Variants in CNTLN observed in about 807,000 individuals in gnomAD.
The protein encoded by CNTLN is centlein, also known as centlein, centrosomal protein.
Under a neutral mutation model 180.0 loss-of-function variants are expected in CNTLN, and 212 were observed. The ratio of observed to expected loss-of-function variants is 1.18; its 90% CI spans 1.05 to 1.32. The LOEUF (loss-of-function observed/expected upper bound fraction) is 1.32, where lower values mean the gene tolerates loss of function less well. Ranked by LOEUF, CNTLN falls within the 40% of genes most tolerant of loss-of-function variation. The pLI, the probability that CNTLN is intolerant of heterozygous loss-of-function variation, is 0.00. For synonymous variants in CNTLN, 722 were observed against 563.1 expected, an observed-to-expected ratio of 1.28 and a Z score of -3.99; for missense variants, 2,095 against 1,610.9, an observed-to-expected ratio of 1.30 and a Z score of -5.14.
At chr9:17,298,748 A>G (rs1272025372) in intron 7 of CNTLN, 1 of 988,332 alleles carries the variant, frequency 1.0e-6, no homozygotes, top group Non-Finnish European at 1.2e-6. Context: ...TTTTTCGGCA[A>G]ATCTTCACAA....
intron 18 of CNTLN, 30 bp from the exon 19 acceptor site, chr9:17,457,488 ATATATT>A (rs777587876): frequency 1.3e-5 from 14 of 1,118,380 alleles, no homozygotes; most frequent in Admixed American, 3.7e-5. Context: ...TACTTTTAAA[ATATATT>A]TATATTTATT....
intron 2 of CNTLN, among the ~76,000 whole-genome samples, chr9:17,188,871 T>C (rs138950900): frequency 3.4e-4 from 51 of 152,098 alleles, no homozygotes; most frequent in Non-Finnish European, 7.1e-4. Context: ...ATCTGAGTCA[T>C]TGACTTTTTT....
At chr9:17,261,861 G>A (rs1463126199) in intron 5 of CNTLN, among the ~76,000 whole-genome samples, 1 of 151,324 alleles carries the variant, frequency 6.6e-6, no homozygotes, top group African/African-American at 2.4e-5. Flanking sequence ...GAATCTACAA[G>A]GAACTTAAAC....
At chr9:17,500,091 C>T (rs539805477) in intron 25 of CNTLN, among the ~76,000 whole-genome samples, 2 of 152,286 alleles carry the variant, frequency 1.3e-5, no homozygotes, top group South Asian at 4.1e-4. Flanking sequence ...ACATACTCTG[C>T]ATTTTGATTT....
chr9:17,359,016 C>G (rs185906639), intron 12 of CNTLN, among the ~76,000 whole-genome samples: 2 of 151,732 alleles, frequency 1.3e-5, no homozygotes, highest in Non-Finnish European at 2.9e-5. Context: ...CTCTCCCCTC[C>G]CCTCCCCTCC....
intron 12 of CNTLN, among the ~76,000 whole-genome samples, chr9:17,357,937 T>C (rs1200494533): frequency 6.6e-6 from 1 of 151,760 alleles, no homozygotes; most frequent in Non-Finnish European, 1.5e-5. Flanking sequence ...CAGTGTAGAT[T>C]AGTTGCTTCT....
chr9:17,239,600 A>T (rs2132181030), intron 5 of CNTLN, among the ~76,000 whole-genome samples: 1 of 152,206 alleles, frequency 6.6e-6, no homozygotes, highest in South Asian at 2.1e-4. Flanking sequence ...TTATAGTTTT[A>T]TGTCTTACAT....
intron 5 of CNTLN, among the ~76,000 whole-genome samples, chr9:17,271,841 T>C (rs1191243953): frequency 1.3e-5 from 2 of 152,208 alleles, no homozygotes; most frequent in African/African-American, 4.8e-5. Context: ...TTTTCAATAA[T>C]TTTTGATTTG....
intron 18 of CNTLN, among the ~76,000 whole-genome samples, chr9:17,422,987 G>C (rs879448726): frequency 6.6e-6 from 1 of 152,172 alleles, no homozygotes; most frequent in Non-Finnish European, 1.5e-5. Context: ...TACCACCTTG[G>C]TGGGCTTAGG....
At chr9:17,390,854 C>T (rs1230744645) in intron 14 of CNTLN, among the ~76,000 whole-genome samples, 1 of 152,058 alleles carries the variant, frequency 6.6e-6, no homozygotes, top group Non-Finnish European at 1.5e-5. Context: ...GACCAGTTCT[C>T]ATGATTAAAC....
chr9:17,413,625 A>G (rs181399914), intron 16 of CNTLN, among the ~76,000 whole-genome samples: 5 of 152,322 alleles, frequency 3.3e-5, no homozygotes, highest in African/African-American at 4.8e-5. Flanking sequence ...CATTTTACCA[A>G]AAAAGGATAT....
chr9:17,295,801 G>A (rs1817859313), intron 6 of CNTLN, among the ~76,000 whole-genome samples: 1 of 152,090 alleles, frequency 6.6e-6, no homozygotes, highest in African/African-American at 2.4e-5. Flanking sequence ...GTTGTGTGGG[G>A]CGATAGAAAT....
At position 17,189,926 on chromosome 9, in the gene CNTLN, A is replaced by T. The variant is rs116819093; in HGVS notation, c.450-36277A>T. The stretch of plus-strand genomic sequence containing the variant: ...GGAATTTTTCAGTCTGCTGCTTTCC[A>T]ATGACTCCTTTCCTTTGTCTGGAGT... On this transcript the variant is annotated intron_variant, in intron 2 of 25. Coordinates refer to ENST00000380647, the MANE Select transcript of CNTLN (RefSeq NM_017738.4). Among the ~76,000 whole-genome samples, 780 of 151,980 alleles carry T rather than the reference A, an allele frequency of 5.1e-3. 5 individuals carry two copies. The highest frequency in any genetic ancestry group is 0.018 in the African/African-American group (748 of 41,436).
chr9:17,299,241 CAAAAAAA>C (rs368954391), intron 7 of CNTLN: 25 of 91,692 alleles, frequency 2.7e-4, no homozygotes, highest in South Asian at 1.2e-3. Context: ...GACAACGTCT[CAAAAAAA>C]AAAAAAAAAA....
intron 25 of CNTLN, among the ~76,000 whole-genome samples, chr9:17,488,135 G>A (rs984248826): frequency 7.2e-5 from 11 of 152,158 alleles, no homozygotes; most frequent in East Asian, 1.9e-4. Context: ...ATCAGTTTCC[G>A]TGCTTTTAGT....
intron 23 of CNTLN, among the ~76,000 whole-genome samples, chr9:17,469,049 T>G (rs1293794615): frequency 6.6e-6 from 1 of 151,732 alleles, no homozygotes; most frequent in Admixed American, 6.6e-5. Flanking sequence ...CAGGTTTAAA[T>G]TACCTTCATC....
Position 17,348,784 on chromosome 9 carries a change from C to A in CNTLN, c.1886+6340C>A, listed in dbSNP as rs1389222181. On this transcript the variant is annotated intron_variant, in intron 12 of 25. Coordinates refer to ENST00000380647, the MANE Select transcript of CNTLN (RefSeq NM_017738.4). ...ACCTCAAGTAATCCACTTGCCTTGG[C>A]CTCCCAAAGTGCTGGGATTACAGGT... Among the ~76,000 whole-genome samples, 6 of 152,260 alleles carry A rather than the reference C, an allele frequency of 3.9e-5. No homozygotes were observed. In the East Asian group the frequency reaches 1.2e-3, roughly 30 times the overall value.
At chr9:17,212,220 A>G (rs1384409804) in intron 2 of CNTLN, among the ~76,000 whole-genome samples, 1 of 152,128 alleles carries the variant, frequency 6.6e-6, no homozygotes, top group Non-Finnish European at 1.5e-5. Context: ...TTATTTTGAG[A>G]TACGTCCCAC....
At position 17,464,570 on chromosome 9, in the gene CNTLN, A is replaced by C; in HGVS notation, c.3478A>C (p.Asn1160His). The C allele has an allele frequency of 6.6e-7, 1 of 1,520,424 alleles. No individual in the cohort carries two copies. Among genetic ancestry groups the C allele is most frequent in the East Asian group, 2.5e-5 (1 of 39,390 alleles). The allele number at this position is 1,520,424 out of a possible 1,614,324, so 94.2% of individuals were successfully genotyped here. ...IEDLKFRQKVNLESNKSFSEM... is the reference protein window; with the variant it reads ...IEDLKFRQKVHLESNKSFSEM... Reference sequence around the variant, plus strand: ...GGACTTGAAATTTCGACAGAAAGTAAATTTGGAAAGTAACAAGAGTTTTAG... The same window carrying C: ...GGACTTGAAATTTCGACAGAAAGTACATTTGGAAAGTAACAAGAGTTTTAG... Residue 1160 changes from asparagine (N) to histidine (H), a missense_variant, in exon 21 of 26, where the codon AAT (asparagine) becomes CAT (histidine). Asn to His is a moderately conservative substitution (Grantham distance 68, BLOSUM62 1). Coordinates refer to ENST00000380647, the MANE Select transcript of CNTLN (RefSeq NM_017738.4).
Sources: allele counts gnomAD v4.1 joint callset (sites outside exome capture counted in the v4.1 genomes callset), GRCh38; gene constraint gnomAD v4.1.1; transcripts MANE v1.5; gene names NCBI Gene and HGNC (gene_info 2026-07-23, HGNC 2026-07-21).